MBNL2: variants seen among roughly 807,000 people sequenced by gnomAD.
The protein encoded by MBNL2 is muscleblind like splicing regulator 2.
MBNL2 carries 17 observed loss-of-function variants against 41.9 expected under a neutral mutation model. The ratio of observed to expected loss-of-function variants is 0.41; its 90% CI spans 0.28 to 0.61. The LOEUF is 0.61. Among genes scored for constraint, MBNL2 ranks in the 20% least tolerant of loss-of-function variants. The pLI is 0.35. For missense variants in MBNL2, 336 were observed against 505.6 expected, an observed-to-expected ratio of 0.66 and a Z score of 3.22; for synonymous variants, 195 against 182.9, an observed-to-expected ratio of 1.07 and a Z score of -0.53.
At chr13:97,220,544 T>C (rs577349805), upstream of MBNL2, among the ~76,000 whole-genome samples, 2 of 152,336 alleles carry the variant, frequency 1.3e-5, no homozygotes, top group African/African-American at 4.8e-5. Context: ...ATGAAGGCCC[T>C]TGAAAGTCTA....
chr13:97,264,844 G>A (rs554269978), intron 1 of MBNL2, among the ~76,000 whole-genome samples: 2 of 152,352 alleles, frequency 1.3e-5, no homozygotes, highest in Admixed American at 1.3e-4. Context: ...CTAACAAAGA[G>A]TTCTCTGGGA....
the MBNL2 span, among the ~76,000 whole-genome samples, chr13:97,177,970 A>T: frequency 1.3e-5 from 2 of 152,232 alleles, no homozygotes; most frequent in Non-Finnish European, 2.9e-5. Context: ...ATTGCCAGAC[A>T]TTTGAGATTT....
chr13:97,341,784 C>G (rs1269855814), intron 3 of MBNL2, among the ~76,000 whole-genome samples: 1 of 152,112 alleles, frequency 6.6e-6, no homozygotes, highest in Non-Finnish European at 1.5e-5. Flanking sequence ...TTTTCTGTTA[C>G]TGCTATAAAG....
intron 5 of MBNL2, among the ~76,000 whole-genome samples, chr13:97,354,039 C>CAAAAAAAAAA (rs61536908): frequency 9.8e-6 from 1 of 101,944 alleles, no homozygotes. Flanking sequence ...GTCCTCAATC[C>CAAAAAAAAAA]AAAAAAAAAA....
chr13:97,266,190 C>T (rs1473440774), intron 1 of MBNL2, among the ~76,000 whole-genome samples: 2 of 151,912 alleles, frequency 1.3e-5, no homozygotes, highest in African/African-American at 4.8e-5. Context: ...TGCAGTGAGC[C>T]GAGATTGTGC....
chr13:97,234,923 A>T (rs1326009113), intron 1 of MBNL2, among the ~76,000 whole-genome samples: 1 of 152,220 alleles, frequency 6.6e-6, no homozygotes, highest in Non-Finnish European at 1.5e-5. Context: ...TGCCAAGGTC[A>T]CTGGAGGAAC....
At chr13:97,242,077 GAGA>G (rs1486510858) in intron 1 of MBNL2, among the ~76,000 whole-genome samples, 2 of 152,116 alleles carry the variant, frequency 1.3e-5, no homozygotes, top group Non-Finnish European at 1.5e-5. Flanking sequence ...CCACAACTCG[GAGA>G]AGGTGTCTCC....
chr13:97,277,381 T>G (rs9582122), intron 2 of MBNL2, among the ~76,000 whole-genome samples: 10,630 of 152,196 alleles, frequency 0.07, 1,071 homozygotes, highest in African/African-American at 0.22. Context: ...TCTGCAAGAC[T>G]TCAGCAAGGT....
chr13:97,358,911 T>A (rs2063190609), intron 7 of MBNL2, among the ~76,000 whole-genome samples: 1 of 152,246 alleles, frequency 6.6e-6, no homozygotes, highest in African/African-American at 2.4e-5. Context: ...TTGTATAAAA[T>A]CTACACTTTG....
intron 8 of MBNL2, among the ~76,000 whole-genome samples, chr13:97,372,412 T>C (rs2064472683): frequency 6.6e-6 from 1 of 152,100 alleles, no homozygotes; most frequent in Non-Finnish European, 1.5e-5. Flanking sequence ...GTCATAAAGG[T>C]CTTACCACAT....
At chr13:97,160,450 C>A in the MBNL2 span, among the ~76,000 whole-genome samples, 2 of 152,126 alleles carry the variant, frequency 1.3e-5, no homozygotes, top group African/African-American at 4.8e-5. Context: ...GGCCTAATTT[C>A]TTTGCTTTTG....
chr13:97,286,012 T>G (rs942930326), intron 2 of MBNL2, among the ~76,000 whole-genome samples: 7 of 152,234 alleles, frequency 4.6e-5, no homozygotes, highest in African/African-American at 1.7e-4. Flanking sequence ...CCTTTGTGCT[T>G]GCTGGAGCAG....
At chr13:97,318,035 G>A (rs1702059616) in intron 2 of MBNL2, among the ~76,000 whole-genome samples, 2 of 152,142 alleles carry the variant, frequency 1.3e-5, no homozygotes, top group Non-Finnish European at 2.9e-5. Context: ...AGAGTGTGGT[G>A]GTTCTGGAGC....
intron 1 of MBNL2, among the ~76,000 whole-genome samples, chr13:97,238,220 A>C (rs901598047): frequency 6.6e-6 from 1 of 152,190 alleles, no homozygotes; most frequent in Non-Finnish European, 1.5e-5. Flanking sequence ...GAAATCATAG[A>C]GGAATTGAGA....
chr13:97,306,472 T>C (rs1156640597), intron 2 of MBNL2, among the ~76,000 whole-genome samples: 1 of 152,230 alleles, frequency 6.6e-6, no homozygotes, highest in African/African-American at 2.4e-5. Flanking sequence ...AGCCTTCCAT[T>C]ACCCTCTGAG....
chr13:97,251,529 AAGTC>A (rs10545931), intron 1 of MBNL2, among the ~76,000 whole-genome samples: 6,536 of 152,278 alleles, frequency 0.043, 353 homozygotes, highest in African/African-American at 0.13. Flanking sequence ...TTGCACAAAA[AAGTC>A]AGAAGCTATT....
At chr13:97,210,215 A>C in the MBNL2 span, among the ~76,000 whole-genome samples, 1 of 152,344 alleles carries the variant, frequency 6.6e-6, no homozygotes, top group African/African-American at 2.4e-5. Flanking sequence ...ATGTTACATA[A>C]CTCAGAGTAT....
At chr13:97,380,064 T>C (rs999160274) in intron 8 of MBNL2, among the ~76,000 whole-genome samples, 3 of 152,244 alleles carry the variant, frequency 2.0e-5, no homozygotes, top group Admixed American at 6.5e-5. Flanking sequence ...TAAAAATTCT[T>C]TATGGCTGCC....
At chr13:97,167,695 T>C in the MBNL2 span, among the ~76,000 whole-genome samples, 1 of 152,212 alleles carries the variant, frequency 6.6e-6, no homozygotes, top group South Asian at 2.1e-4. Flanking sequence ...CCATTCTATA[T>C]ATATCATAGG....
Sources: allele counts gnomAD v4.1 joint callset (sites outside exome capture counted in the v4.1 genomes callset), GRCh38; gene constraint gnomAD v4.1.1; transcripts MANE v1.5; gene names NCBI Gene and HGNC (gene_info 2026-07-23, HGNC 2026-07-21).